Variants in ATP8A1 observed in about 807,000 individuals in gnomAD.
ATP8A1 encodes the protein ATPase phospholipid transporting 8A1.
Under a neutral mutation model 177.7 loss-of-function variants are expected in ATP8A1, and 90 were observed. The ratio of observed to expected loss-of-function variants is 0.51; its 90% confidence interval spans 0.43 to 0.60. The LOEUF is 0.60. Among genes scored for constraint, ATP8A1 ranks in the 20% least tolerant of loss-of-function variants. ATP8A1 has a pLI of 0.00. For synonymous variants in ATP8A1, 493 were observed against 485.9 expected, an observed-to-expected ratio of 1.01 and a Z score of -0.19; for missense variants, 1,072 against 1,392.8, an observed-to-expected ratio of 0.77 and a Z score of 3.67.
intron 33 of ATP8A1, among the ~76,000 whole-genome samples, chr4:42,438,386 G>C (rs1023996819): frequency 6.6e-6 from 1 of 152,066 alleles, no homozygotes; most frequent in Non-Finnish European, 1.5e-5. Context: ...GCAACCATTC[G>C]TTTTCTGATG....
intron 29 of ATP8A1, among the ~76,000 whole-genome samples, chr4:42,454,288 T>C (rs1718241090): frequency 6.6e-6 from 1 of 152,194 alleles, no homozygotes; most frequent in Non-Finnish European, 1.5e-5. Flanking sequence ...CCAAAACACC[T>C]GTTTCACTTT....
At chr4:42,420,872 C>A (rs1287344159) in intron 35 of ATP8A1, among the ~76,000 whole-genome samples, 1 of 151,720 alleles carries the variant, frequency 6.6e-6, no homozygotes, top group Non-Finnish European at 1.5e-5. Flanking sequence ...GGATTCACGC[C>A]ATTCTCCTGC....
chr4:42,472,247 G>A, intron 25 of ATP8A1: 1 of 572,140 alleles, frequency 1.7e-6, no homozygotes, highest in South Asian at 1.4e-5. Flanking sequence ...CTGGATGACA[G>A]CCGGCTCATA....
chr4:42,491,809 T>C (rs1402268257), intron 24 of ATP8A1, among the ~76,000 whole-genome samples: 1 of 152,192 alleles, frequency 6.6e-6, no homozygotes, highest in Non-Finnish European at 1.5e-5. Context: ...TTTTCAGCTT[T>C]CTAGCCGAGG....
intron 33 of ATP8A1, among the ~76,000 whole-genome samples, chr4:42,430,721 C>T (rs928061126): frequency 1.3e-5 from 2 of 152,300 alleles, no homozygotes; most frequent in South Asian, 2.1e-4. Context: ...TAAGTGAGAA[C>T]ATGTGGTATT....
intron 14 of ATP8A1, among the ~76,000 whole-genome samples, chr4:42,573,613 T>C (rs1379570297): frequency 2.6e-5 from 4 of 152,240 alleles, no homozygotes; most frequent in African/African-American, 9.6e-5. Context: ...TTTATACATA[T>C]AGTTTATAGT....
chr4:42,423,162 T>C (rs1008506429), intron 34 of ATP8A1, among the ~76,000 whole-genome samples: 1 of 152,158 alleles, frequency 6.6e-6, no homozygotes, highest in Non-Finnish European at 1.5e-5. Flanking sequence ...TTAAATGCTA[T>C]CTTTTTTGTG....
intron 7 of ATP8A1, 94 bp from the exon 8 acceptor site, chr4:42,588,423 G>A (rs1044993398): frequency 1.4e-5 from 14 of 1,008,500 alleles, no homozygotes; most frequent in Admixed American, 4.5e-5. Flanking sequence ...AAAGCCTTTC[G>A]TTCTAGACAA....
At chr4:42,419,774 C>T (rs890706735) in intron 35 of ATP8A1, among the ~76,000 whole-genome samples, 7 of 152,102 alleles carry the variant, frequency 4.6e-5, no homozygotes, top group South Asian at 2.1e-4. Flanking sequence ...GAGGCTGAGG[C>T]GGGTGGATCA....
intron 15 of ATP8A1, among the ~76,000 whole-genome samples, chr4:42,560,968 C>G (rs1410467914): frequency 6.6e-6 from 1 of 152,120 alleles, no homozygotes; most frequent in Non-Finnish European, 1.5e-5. Context: ...GTAGCTTTAA[C>G]TTGTTTTAAA....
intron 25 of ATP8A1, among the ~76,000 whole-genome samples, chr4:42,482,327 AAACAAAC>A (rs1245532164): frequency 9.5e-5 from 7 of 73,668 alleles, no homozygotes; most frequent in Admixed American, 2.9e-4. Flanking sequence ...ACAAACAAAC[AAACAAAC>A]AAAAAAAAAA....
intron 9 of ATP8A1, among the ~76,000 whole-genome samples, chr4:42,585,503 G>A (rs1433876486): frequency 7.0e-6 from 1 of 143,752 alleles, no homozygotes; most frequent in African/African-American, 2.7e-5. Context: ...GAGAGCCTCC[G>A]CCATGTGAAG....
intron 25 of ATP8A1, among the ~76,000 whole-genome samples, chr4:42,469,897 T>C (rs1040853081): frequency 3.3e-5 from 5 of 152,206 alleles, no homozygotes; most frequent in African/African-American, 1.2e-4. Context: ...ATTCTTCCTA[T>C]GTCTATAAAA....
chr4:42,495,816 A>G (rs543934642), intron 24 of ATP8A1, among the ~76,000 whole-genome samples: 1 of 152,228 alleles, frequency 6.6e-6, no homozygotes, highest in Non-Finnish European at 1.5e-5. Flanking sequence ...GCTTAGAGGA[A>G]GGCGGCCCAA....
rs1553903246 is a variant in ATP8A1, at chr4:42,555,139, A to ATCTTATCTATCT, written c.1413+828_1413+829insAGATAGATAAGA. On this transcript the variant is annotated intron_variant, in intron 16 of 36. Transcript: ENST00000381668. ...TATCTATCTATCTATCTATCTATCT[A>ATCTTATCTATCT]ATCTATCTATCTATCTATCTATCTA... 1.0e-3 allele frequency among the ~76,000 whole-genome samples: 62 copies of ATCTTATCTATCT among 59,552 alleles called. 2 individuals are homozygous for ATCTTATCTATCT. Among genetic ancestry groups the ATCTTATCTATCT allele is most frequent in the Non-Finnish European group, 1.3e-3 (38 of 28,530 alleles). 39.1% of individuals were successfully genotyped at this position (59,552 alleles called of 152,430 possible).
At chr4:42,575,738 A>C (rs199925870) in intron 12 of ATP8A1, 39 bp from the exon 13 acceptor site, 2 of 1,534,088 alleles carry the variant, frequency 1.3e-6, no homozygotes, top group African/African-American at 2.7e-5. Flanking sequence ...CACAACTGGT[A>C]ATAAGGAATT....
chr4:42,596,813 A>G (rs1734767983), intron 6 of ATP8A1, among the ~76,000 whole-genome samples: 1 of 152,188 alleles, frequency 6.6e-6, no homozygotes, highest in Non-Finnish European at 1.5e-5. Context: ...GTTGATTCCA[A>G]GATTCTTTGG....
chr4:42,468,442 CA>C (rs1720035125), intron 25 of ATP8A1, among the ~76,000 whole-genome samples: 1 of 151,774 alleles, frequency 6.6e-6, no homozygotes, highest in Non-Finnish European at 1.5e-5. Context: ...CACACACACA[CA>C]CACACACACA....
intron 33 of ATP8A1, among the ~76,000 whole-genome samples, chr4:42,434,199 A>G (rs4346679): frequency 0.66 from 100,336 of 152,012 alleles, 33,534 homozygotes; most frequent in African/African-American, 0.75. Context: ...TTTTTCATTA[A>G]GAGAAACAAA....
Sources: allele counts gnomAD v4.1 joint callset (sites outside exome capture counted in the v4.1 genomes callset), GRCh38; gene constraint gnomAD v4.1.1; transcripts MANE v1.5; gene names NCBI Gene and HGNC (gene_info 2026-07-23, HGNC 2026-07-21).